The following XYLT1 variants were observed in gnomAD, a reference collection of about 807,000 sequenced individuals.
The protein encoded by XYLT1 is beta-D-xylosyltransferase 1.
Under a neutral mutation model 91.3 loss-of-function variants are expected in XYLT1, and 36 were observed. That is an observed-to-expected ratio of 0.39 (90% CI 0.30 to 0.52). XYLT1 has a LOEUF of 0.52. Among genes scored for constraint, XYLT1 ranks in the 20% least tolerant of loss-of-function variants. The probability of loss-of-function intolerance (pLI) is 0.68; values close to 1 mark genes in which losing one functional copy is unlikely to be tolerated. For missense variants in XYLT1, 1,242 were observed against 1,284.5 expected (o/e 0.97, Z 0.51); for synonymous variants, 588 against 532.0 (o/e 1.11, Z -1.45).
intron 2 of XYLT1, among the ~76,000 whole-genome samples, chr16:17,321,724 T>C (rs564046321): frequency 6.6e-6 from 1 of 152,220 alleles, no homozygotes; most frequent in South Asian, 2.1e-4. Flanking sequence ...AGGGGACATA[T>C]GGCAATGTCC....
intron 2 of XYLT1, among the ~76,000 whole-genome samples, chr16:17,286,780 T>C (rs1420640605): frequency 2.0e-5 from 3 of 152,194 alleles, no homozygotes; most frequent in African/African-American, 7.2e-5. Flanking sequence ...AGTATAGCCA[T>C]CGTTGATTGT....
intron 1 of XYLT1, among the ~76,000 whole-genome samples, chr16:17,421,738 G>A (rs2036253737): frequency 6.6e-6 from 1 of 152,182 alleles, no homozygotes; most frequent in African/African-American, 2.4e-5. Context: ...TCCCAGCAGA[G>A]CCCTTCCTAA....
At chr16:17,456,189 C>T (rs1343653074) in intron 1 of XYLT1, among the ~76,000 whole-genome samples, 3 of 151,658 alleles carry the variant, frequency 2.0e-5, no homozygotes, top group Non-Finnish European at 4.4e-5. Context: ...TCCACGTCCA[C>T]AGTCAGTTTC....
At chr16:17,156,662 A>G (rs183245798) in intron 6 of XYLT1, among the ~76,000 whole-genome samples, 1 of 152,310 alleles carries the variant, frequency 6.6e-6, no homozygotes, top group East Asian at 1.9e-4. Context: ...ACAAATATGG[A>G]TCCTATACAA....
rs1184791434 is a variant in XYLT1 at position 17,107,461 on chromosome 16, TAAATC to T, written c.*1229_*1233del. On this transcript the variant is annotated 3_prime_UTR_variant, in exon 12 of 12. Transcript: ENST00000261381. ...TTTGGGTTTCTGGTAACTCAACACT[TAAATC>T]ATACTGTTTTTTGTTGTTTAAATAA... 1.3e-5 allele frequency: 2 copies of T among 152,662 alleles called. No individual in the cohort carries two copies. The highest frequency in any genetic ancestry group is 4.8e-5 in the African/African-American group (2 of 41,454). The allele number at this position is 152,662 out of a possible 1,614,324, so 9.5% of individuals were successfully genotyped here.
At chr16:17,390,989 G>T (rs1020833130) in intron 1 of XYLT1, among the ~76,000 whole-genome samples, 1 of 152,070 alleles carries the variant, frequency 6.6e-6, no homozygotes. Flanking sequence ...AGTGAGACAA[G>T]ATCACCCCAT....
chr16:17,249,750 C>T (rs1280415792), intron 3 of XYLT1: 1 of 152,230 alleles, frequency 6.6e-6, no homozygotes, highest in East Asian at 1.9e-4. Flanking sequence ...CTCACTGCAA[C>T]CTTGACCTCC....
At chr16:17,399,835 T>C (rs764888568) in intron 1 of XYLT1, among the ~76,000 whole-genome samples, 13 of 152,106 alleles carry the variant, frequency 8.5e-5, no homozygotes, top group Non-Finnish European at 1.5e-4. Context: ...TTTTAAGCCA[T>C]TGACAGAGTC....
At position 17,149,715 on chromosome 16, in the gene XYLT1, C is replaced by T. The variant is rs138787778; in HGVS notation, c.1371-8346G>A. The stretch of plus-strand genomic sequence containing the variant: ...AGCTAAATATTATTCTATTGGGATG[C>T]AGTGGCAAGATTTTGAGTCCTGGAA... On this transcript the variant is annotated intron_variant, in intron 6 of 11. Transcript: ENST00000261381. Among the ~76,000 whole-genome samples, 3 of 152,270 alleles carry T rather than the reference C, an allele frequency of 2.0e-5. No homozygotes were observed. The East Asian group carries it at 5.8e-4, about 29-fold the overall frequency.
chr16:17,177,198 C>T (rs1229758890), intron 5 of XYLT1, among the ~76,000 whole-genome samples: 1 of 152,144 alleles, frequency 6.6e-6, no homozygotes, highest in Non-Finnish European at 1.5e-5. Context: ...TTTCAACTCT[C>T]AGGAAACCAC....
At chr16:17,267,042 C>T (rs1204200297) in intron 2 of XYLT1, among the ~76,000 whole-genome samples, 1 of 152,218 alleles carries the variant, frequency 6.6e-6, no homozygotes, top group African/African-American at 2.4e-5. Flanking sequence ...CCTGCTTTAA[C>T]AGAACCCTAA....
chr16:17,349,150 C>G (rs2035185954), intron 2 of XYLT1, among the ~76,000 whole-genome samples: 1 of 152,236 alleles, frequency 6.6e-6, no homozygotes, highest in Non-Finnish European at 1.5e-5. Context: ...CGTGCCACAG[C>G]CTGGGGCTTC....
intron 2 of XYLT1, among the ~76,000 whole-genome samples, chr16:17,305,684 G>A (rs2034460599): frequency 6.6e-6 from 1 of 152,072 alleles, no homozygotes; most frequent in Non-Finnish European, 1.5e-5. Context: ...AAAGTGCTGG[G>A]ATTATAGACG....
chr16:17,229,400 C>T (rs1040283659), intron 3 of XYLT1, among the ~76,000 whole-genome samples: 3 of 152,194 alleles, frequency 2.0e-5, no homozygotes, highest in Admixed American at 1.3e-4. Context: ...TCACAAACAA[C>T]ATCTGAGAGG....
chr16:17,179,694 T>C (rs2032024549), intron 5 of XYLT1, among the ~76,000 whole-genome samples: 1 of 152,244 alleles, frequency 6.6e-6, no homozygotes. Flanking sequence ...GCCAAATGAC[T>C]GAAGAGCCAC....
chr16:17,249,487 T>C (rs1277557133), intron 3 of XYLT1, among the ~76,000 whole-genome samples: 1 of 152,204 alleles, frequency 6.6e-6, no homozygotes, highest in Non-Finnish European at 1.5e-5. Flanking sequence ...TAAACCAATG[T>C]CAGGCACAAA....
At position 17,111,970 on chromosome 16, in the gene XYLT1, A is replaced by C. The variant is rs540875982; in HGVS notation, c.2558-2953T>G. ...CCTGCTGTCTTTGGTGCGGGCCCTA[A>C]TTTCTCTATCAGAGCCCCTTAGTGC... On this transcript the variant is annotated intron_variant, in intron 11 of 11. Transcript: ENST00000261381. Among the ~76,000 whole-genome samples, 4 of 152,236 alleles carry C rather than the reference A, an allele frequency of 2.6e-5. No individual in the cohort carries two copies. In the East Asian group the frequency reaches 5.8e-4, roughly 22 times the overall value.
At chr16:17,217,135 C>A (rs2032875687) in intron 3 of XYLT1, among the ~76,000 whole-genome samples, 2 of 152,284 alleles carry the variant, frequency 1.3e-5, no homozygotes, top group Middle Eastern at 3.4e-3. Context: ...CTCAATAGAT[C>A]CCTCTCCCTG....
chr16:17,456,626 C>T (rs879414648), intron 1 of XYLT1, among the ~76,000 whole-genome samples: 1 of 152,188 alleles, frequency 6.6e-6, no homozygotes, highest in Non-Finnish European at 1.5e-5. Context: ...CAGGCATGTG[C>T]CACCACGCCC....
Sources: allele counts gnomAD v4.1 joint callset (sites outside exome capture counted in the v4.1 genomes callset), GRCh38; gene constraint gnomAD v4.1.1; transcripts MANE v1.5; gene names NCBI Gene and HGNC (gene_info 2026-07-23, HGNC 2026-07-21).